Variants in CACNB2 observed in about 807,000 individuals in gnomAD.
CACNB2 encodes voltage-dependent L-type calcium channel subunit beta-2.
Under a neutral mutation model 73.3 loss-of-function variants are expected in CACNB2, and 42 were observed. The ratio of observed to expected loss-of-function variants is 0.57; its 90% CI spans 0.45 to 0.74. CACNB2 has a LOEUF of 0.74. CACNB2 is among the 30% of genes least tolerant of loss of function. The pLI is 0.00. For synonymous variants in CACNB2, 348 were observed against 310.3 expected (o/e 1.12, Z -1.28); for missense variants, 940 against 853.0 (o/e 1.10, Z -1.27).
intron 2 of CACNB2, among the ~76,000 whole-genome samples, chr10:18,242,426 G>C (rs2036692306): frequency 1.3e-5 from 2 of 152,220 alleles, no homozygotes; most frequent in South Asian, 4.1e-4. Flanking sequence ...ACGATGAAAA[G>C]GTTGAAAGGT....
chr10:18,164,110 T>C (rs2032671330), intron 2 of CACNB2, among the ~76,000 whole-genome samples: 2 of 152,230 alleles, frequency 1.3e-5, no homozygotes, highest in African/African-American at 4.8e-5. Flanking sequence ...AAGATCTTTG[T>C]AAACTTTTAC....
intron 3 of CACNB2, among the ~76,000 whole-genome samples, chr10:18,464,436 A>AAAAAAAAAAAAAAAAAAC: frequency 6.7e-6 from 1 of 149,846 alleles, no homozygotes; most frequent in Non-Finnish European, 1.5e-5. Context: ...AAAAAAAAAA[A>AAAAAAAAAAAAAAAAAAC]AAAAGAATTT....
chr10:18,297,610 G>T (rs145779267), intron 2 of CACNB2, among the ~76,000 whole-genome samples: 11 of 152,104 alleles, frequency 7.2e-5, no homozygotes, highest in African/African-American at 2.7e-4. Context: ...TTTCCAGGCC[G>T]ACTGAATTCC....
At chr10:18,411,471 TATAAA>T (rs111590458) in intron 3 of CACNB2, among the ~76,000 whole-genome samples, 3,398 of 151,162 alleles carry the variant, frequency 0.022, 111 homozygotes, top group South Asian at 0.12. Context: ...ATTTGAAAGA[TATAAA>T]AGGAAAAGGC....
intron 3 of CACNB2, among the ~76,000 whole-genome samples, chr10:18,473,411 A>G (rs2048289169): frequency 6.6e-6 from 1 of 152,240 alleles, no homozygotes; most frequent in African/African-American, 2.4e-5. Context: ...ACAGCCTTTT[A>G]AAAAATATTG....
At chr10:18,325,313 T>G (rs1354183679) in intron 2 of CACNB2, among the ~76,000 whole-genome samples, 1 of 152,044 alleles carries the variant, frequency 6.6e-6, no homozygotes, top group African/African-American at 2.4e-5. Flanking sequence ...CCTCAGCCTC[T>G]CAGGTAGCTG....
At chr10:18,370,510 G>T (rs746050207) in intron 2 of CACNB2, among the ~76,000 whole-genome samples, 5 of 152,194 alleles carry the variant, frequency 3.3e-5, no homozygotes, top group Non-Finnish European at 7.3e-5. Flanking sequence ...ATGTTGGCCA[G>T]GCTGGTCTCG....
intron 2 of CACNB2, among the ~76,000 whole-genome samples, chr10:18,396,616 A>C (rs1417301697): frequency 6.6e-6 from 1 of 151,906 alleles, no homozygotes; most frequent in Non-Finnish European, 1.5e-5. Flanking sequence ...GATTATATGC[A>C]TGTGCCACCA....
chr10:18,517,612 C>T (rs950099656), intron 7 of CACNB2, among the ~76,000 whole-genome samples: 3 of 152,146 alleles, frequency 2.0e-5, no homozygotes, highest in Admixed American at 6.6e-5. Flanking sequence ...TATTATTATA[C>T]ATTAATCACC....
At chr10:18,284,835 A>G (rs935954470) in intron 2 of CACNB2, among the ~76,000 whole-genome samples, 4 of 152,188 alleles carry the variant, frequency 2.6e-5, no homozygotes, top group Non-Finnish European at 5.9e-5. Context: ...CTTGTCTACA[A>G]AAAAAGACGA....
At chr10:18,522,964 T>C (rs533663443) in intron 9 of CACNB2, among the ~76,000 whole-genome samples, 10 of 150,434 alleles carry the variant, frequency 6.6e-5, no homozygotes, top group African/African-American at 2.2e-4. Flanking sequence ...ACAAAAACTA[T>C]TATAAGTTTC....
intron 2 of CACNB2, among the ~76,000 whole-genome samples, chr10:18,194,597 T>C (rs879832818): frequency 3.9e-4 from 59 of 152,326 alleles, no homozygotes; most frequent in African/African-American, 1.4e-3. Context: ...AAATCAGACC[T>C]GTTCATTCTG....
intron 6 of CACNB2, among the ~76,000 whole-genome samples, chr10:18,510,114 A>T (rs2050686602): frequency 6.6e-6 from 1 of 152,188 alleles, no homozygotes; most frequent in East Asian, 1.9e-4. Flanking sequence ...TACGTATTTC[A>T]AAATGAACTC....
chr10:18,185,993 G>A (rs1486426658), intron 2 of CACNB2, among the ~76,000 whole-genome samples: 1 of 152,076 alleles, frequency 6.6e-6, no homozygotes, highest in Non-Finnish European at 1.5e-5. Context: ...CTCAAAGAAA[G>A]CTTCTTTTAG....
At chr10:18,344,897 TC>T in intron 2 of CACNB2, among the ~76,000 whole-genome samples, 1 of 152,360 alleles carries the variant, frequency 6.6e-6, no homozygotes, top group Admixed American at 6.5e-5. Context: ...GCAGTTCTTT[TC>T]TACAAGCATA....
At chr10:18,246,436 A>G (rs1029664928) in intron 2 of CACNB2, among the ~76,000 whole-genome samples, 8 of 152,108 alleles carry the variant, frequency 5.3e-5, no homozygotes, top group Non-Finnish European at 1.2e-4. Context: ...TGTCTTCTCT[A>G]CTTCCTCTGT....
At chr10:18,507,508 C>T (rs897922645) in intron 6 of CACNB2, among the ~76,000 whole-genome samples, 1 of 152,278 alleles carries the variant, frequency 6.6e-6, no homozygotes, top group Non-Finnish European at 1.5e-5. Flanking sequence ...ATGTATGGAA[C>T]ATACTTATGC....
At chr10:18,393,820 A>G (rs1195912426) in intron 2 of CACNB2, among the ~76,000 whole-genome samples, 1 of 152,230 alleles carries the variant, frequency 6.6e-6, no homozygotes, top group Non-Finnish European at 1.5e-5. Context: ...ATGCTGAGAT[A>G]CTCTGAAGTG....
chr10:18,347,593 T>C (rs1049467645), intron 2 of CACNB2, among the ~76,000 whole-genome samples: 3 of 152,000 alleles, frequency 2.0e-5, no homozygotes, highest in Non-Finnish European at 4.4e-5. Flanking sequence ...AGGCAATAAT[T>C]TTTATCTCTC....
Sources: allele counts gnomAD v4.1 joint callset (sites outside exome capture counted in the v4.1 genomes callset), GRCh38; gene constraint gnomAD v4.1.1; transcripts MANE v1.5; gene names NCBI Gene and HGNC (gene_info 2026-07-23, HGNC 2026-07-21).